PDE4DIP: variants seen among roughly 807,000 people sequenced by gnomAD.
PDE4DIP encodes the protein phosphodiesterase 4D interacting protein.
A neutral mutation model predicts 221.4 loss-of-function variants in PDE4DIP; 59 were observed. The ratio of observed to expected loss-of-function variants is 0.27; its 90% CI spans 0.22 to 0.33. The LOEUF is 0.33. Among genes scored for constraint, PDE4DIP ranks in the 10% least tolerant of loss-of-function variants. The pLI is 1.00. For missense variants in PDE4DIP, 1,036 were observed against 2,154.2 expected, an observed-to-expected ratio of 0.48 and a Z score of 10.28; for synonymous variants, 404 against 815.9, an observed-to-expected ratio of 0.50 and a Z score of 8.60.
chr1:148,979,925 A>T, intron 20 of PDE4DIP, 76 bp downstream of exon 23: 1 of 1,530,138 alleles, frequency 6.5e-7, no homozygotes, highest in Non-Finnish European at 8.9e-7. Context: ...TATGCCTTTT[A>T]TTCTTCATTA....
exon 31 of PDE4DIP, chr1:149,010,588 C>G: frequency 6.2e-7 from 1 of 1,613,998 alleles, no homozygotes; most frequent in Non-Finnish European, 8.5e-7. Flanking sequence ...CCAACCAGGC[C>G]CATTCAGGTA....
At chr1:149,023,707 T>G (rs377335830) in intron 37 of PDE4DIP, among the ~76,000 whole-genome samples, 3 of 82,796 alleles carry the variant, frequency 3.6e-5, no homozygotes, top group East Asian at 4.9e-4. Context: ...CATATATATG[T>G]ACATGTATAT....
intron 5 of PDE4DIP, among the ~76,000 whole-genome samples, chr1:148,951,735 T>C (rs1273217542): frequency 6.6e-6 from 1 of 152,310 alleles, no homozygotes; most frequent in Non-Finnish European, 1.5e-5. Context: ...GCCGGACTCT[T>C]TCTCAGGTGA....
chr1:149,023,516 T>G (rs1251194737), intron 37 of PDE4DIP, among the ~76,000 whole-genome samples: 1 of 147,354 alleles, frequency 6.8e-6, no homozygotes, highest in African/African-American at 2.5e-5. Flanking sequence ...AGCCATGTGG[T>G]GAATGGAGGT....
chr1:149,030,500 C>T (rs2076432602), intron 43 of PDE4DIP: 1 of 973,700 alleles, frequency 1.0e-6, no homozygotes, highest in Non-Finnish European at 1.2e-6. Flanking sequence ...GGTTCACTCT[C>T]ACATTGTCAT....
At chr1:149,030,032 G>A in intron 42 of PDE4DIP, 107 bp downstream of exon 45, 2 of 765,218 alleles carry the variant, frequency 2.6e-6, no homozygotes, top group Non-Finnish European at 4.2e-6. Flanking sequence ...GTTGGGAGTT[G>A]AGACTGATTT....
intron 21 of PDE4DIP, chr1:148,984,765 C>G (rs1474620482): frequency 6.6e-6 from 1 of 152,080 alleles, no homozygotes; most frequent in Non-Finnish European, 1.5e-5. Flanking sequence ...AAGTCACTTT[C>G]CTTTGGACTG....
intron 5 of PDE4DIP, among the ~76,000 whole-genome samples, chr1:148,960,205 C>T (rs1489895907): frequency 6.6e-6 from 1 of 152,266 alleles, no homozygotes; most frequent in Non-Finnish European, 1.5e-5. Context: ...CCAATTTTTT[C>T]CAATAATGTG....
At chr1:149,032,399 G>A (rs1457593018) in exon 44 of PDE4DIP, 3 of 466,052 alleles carry the variant, frequency 6.4e-6, no homozygotes, top group Non-Finnish European at 1.2e-5. Flanking sequence ...GGGGCACGTG[G>A]TCCCAATGCT....
chr1:148,992,033 C>T (rs1553560049), intron 22 of PDE4DIP, 60 bp downstream of exon 25: 1 of 638,446 alleles, frequency 1.6e-6, no homozygotes, highest in Non-Finnish European at 2.8e-6. Flanking sequence ...CTTCTGAGGT[C>T]TGATAGTCTC....
intron 27 of PDE4DIP, chr1:149,006,505 T>C (rs1575239169): frequency 6.6e-6 from 1 of 152,308 alleles, no homozygotes; most frequent in South Asian, 2.1e-4. Context: ...CAGGTGGTGG[T>C]TAAAACAGAA....
At chr1:149,009,880 A>T in intron 30 of PDE4DIP, 89 bp downstream of exon 33, 1 of 1,012,408 alleles carries the variant, frequency 9.9e-7, no homozygotes, top group East Asian at 2.4e-5. Context: ...CATGGTGTGT[A>T]TCAGGCTGAA....
At chr1:148,985,910 A>C (rs2061833258) in intron 21 of PDE4DIP, 1 of 152,334 alleles carries the variant, frequency 6.6e-6, no homozygotes, top group South Asian at 2.1e-4. Flanking sequence ...ATATAACATG[A>C]ATATGTAGTG....
intron 21 of PDE4DIP, chr1:148,989,102 G>A (rs1322947526): frequency 4.7e-6 from 1 of 211,828 alleles, no homozygotes; most frequent in Non-Finnish European, 9.6e-6. Context: ...ATGGAAAATG[G>A]TAAAAGATGT....
chr1:149,006,148 AG>A, intron 27 of PDE4DIP, among the ~76,000 whole-genome samples: 1 of 151,502 alleles, frequency 6.6e-6, no homozygotes, highest in African/African-American at 2.4e-5. Context: ...AAAAAAAAAA[AG>A]AATTAATACA....
intron 21 of PDE4DIP, chr1:148,982,238 C>T (rs1262159765): frequency 6.6e-6 from 1 of 152,194 alleles, no homozygotes; most frequent in Non-Finnish European, 1.5e-5. Flanking sequence ...CTAGAATGGT[C>T]TTCCAGAGTC....
At chr1:149,009,406 A>G (rs2152551108) in intron 29 of PDE4DIP, 162 bp from the exon 33 acceptor site, 1 of 606,244 alleles carries the variant, frequency 1.6e-6, no homozygotes, top group East Asian at 2.8e-5. Flanking sequence ...CTCTCCATCT[A>G]CACCCCACCT....
chr1:149,029,043 C>T (rs190685292), intron 41 of PDE4DIP, among the ~76,000 whole-genome samples: 1 of 152,300 alleles, frequency 6.6e-6, no homozygotes, highest in Non-Finnish European at 1.5e-5. Flanking sequence ...AGCTGAAATT[C>T]AGTTAAAGCT....
chr1:149,015,214 A>G (rs1401779469), intron 32 of PDE4DIP, among the ~76,000 whole-genome samples: 3 of 151,708 alleles, frequency 2.0e-5, no homozygotes, highest in Non-Finnish European at 2.9e-5. Flanking sequence ...GATGTATCCC[A>G]TATAGACTAA....
Sources: allele counts gnomAD v4.1 joint callset (sites outside exome capture counted in the v4.1 genomes callset), GRCh38; gene constraint gnomAD v4.1.1; transcripts MANE v1.5; gene names NCBI Gene and HGNC (gene_info 2026-07-23, HGNC 2026-07-21).